WDR44: variants seen among roughly 807,000 people sequenced by gnomAD.
WDR44 encodes WD repeat domain 44.
WDR44 carries 9 observed loss-of-function variants against 65.7 expected under a neutral mutation model. The ratio of observed to expected loss-of-function variants is 0.14; its 90% CI spans 0.08 to 0.24. The LOEUF (loss-of-function observed/expected upper bound fraction) is 0.24, where lower values mean the gene tolerates loss of function less well. Among genes scored for constraint, WDR44 ranks in the 10% least tolerant of loss-of-function variants. The pLI, the probability that WDR44 is intolerant of heterozygous loss-of-function variation, is 1.00. For synonymous variants in WDR44, 220 were observed against 235.2 expected, an observed-to-expected ratio of 0.94 and a Z score of 0.59; for missense variants, 425 against 670.9, an observed-to-expected ratio of 0.63 and a Z score of 4.05.
At chrX:118,446,061 G>C (rs941034462) in intron 19 of WDR44, among the ~76,000 whole-genome samples, 1 of 106,199 alleles carries the variant, frequency 9.4e-6, no homozygotes, top group African/African-American at 3.4e-5. Flanking sequence ...AAAGACCAAG[G>C]TGAGCAGATT....
At chrX:118,434,002 C>G (rs180716646) in intron 13 of WDR44, among the ~76,000 whole-genome samples, 1 of 111,915 alleles carries the variant, frequency 8.9e-6, no homozygotes, top group Admixed American at 9.6e-5. Context: ...TAGGGAGATA[C>G]GGGAGTTTAG....
At chrX:118,403,892 C>T (rs1391952869) in intron 8 of WDR44, among the ~76,000 whole-genome samples, 1 of 112,099 alleles carries the variant, frequency 8.9e-6, no homozygotes, top group Non-Finnish European at 1.9e-5. Context: ...CCAAAGCATT[C>T]TATTTTGTGA....
chrX:118,444,655 C>T (rs769764855), intron 19 of WDR44, among the ~76,000 whole-genome samples, 161 bp downstream of exon 19: 5 of 112,053 alleles, frequency 4.5e-5, no homozygotes, highest in South Asian at 3.7e-4. Context: ...AGCGCAGTGA[C>T]GCAGTCACAC....
At chrX:118,431,204 A>G (rs1213639890) in intron 12 of WDR44, among the ~76,000 whole-genome samples, 1 of 111,786 alleles carries the variant, frequency 8.9e-6, no homozygotes. Context: ...CACCGGTAAG[A>G]TGGTGGTGGT....
At chrX:118,354,791 T>A (rs1342280006) in intron 1 of WDR44, among the ~76,000 whole-genome samples, 5 of 111,975 alleles carry the variant, frequency 4.5e-5, no homozygotes, top group Non-Finnish European at 9.4e-5. Context: ...CTAATTGTAA[T>A]AGACTATTCC....
chrX:118,390,539 T>C (rs756778442), intron 3 of WDR44, among the ~76,000 whole-genome samples: 1 of 111,688 alleles, frequency 9.0e-6, no homozygotes, highest in African/African-American at 3.3e-5. Flanking sequence ...GAGAGATTAT[T>C]ATCAGATAAG....
intron 2 of WDR44, among the ~76,000 whole-genome samples, chrX:118,383,934 C>T (rs767751972): frequency 1.1e-5 from 1 of 94,753 alleles, no homozygotes; most frequent in East Asian, 3.3e-4. Context: ...GGCTGGAATG[C>T]AGTGGCATTA....
rs762890045 is a variant in WDR44 at position 118,436,319 on chromosome X, A to T, written c.1852-383A>T. ...TGAGTTAAAATTCACCAGTGTTATC[A>T]ATGTGAAAATAACTGAAGTGACAAT... On this transcript the variant is annotated intron_variant, in intron 13 of 19. Transcript: ENST00000254029. Among the ~76,000 whole-genome samples, 263 of 112,299 alleles carry T rather than the reference A, an allele frequency of 2.3e-3. 1 individual carries two copies. Among genetic ancestry groups the T allele is most frequent in the Non-Finnish European group, 3.9e-3 (208 of 53,240 alleles).
At position 118,444,499 on chromosome X, in the gene WDR44, A is replaced by G. The variant is rs1199226068; in HGVS notation, c.2647+5A>G. 8.3e-7 allele frequency: 1 copy of G among 1,209,180 alleles called. No homozygotes were observed. Among genetic ancestry groups the G allele is most frequent in the Non-Finnish European group, 1.1e-6 (1 of 894,111 alleles). On this transcript the variant is annotated splice_donor_5th_base_variant and intron_variant, in intron 19 of 19. Coordinates refer to ENST00000254029, the MANE Select transcript of WDR44 (RefSeq NM_019045.5). The stretch of plus-strand genomic sequence containing the variant: ...TTTTGGATGCCACACCTTCTGGTAA[A>G]TCTTTACTTGTCCTATATTTTTTTC...
intron 12 of WDR44, among the ~76,000 whole-genome samples, chrX:118,415,105 C>T (rs2057046341): frequency 1.8e-5 from 2 of 111,725 alleles, no homozygotes; most frequent in African/African-American, 6.5e-5. Flanking sequence ...TGGATTTTGT[C>T]AAATGCTTTT....
At chrX:118,361,745 C>G (rs1022554560) in intron 1 of WDR44, among the ~76,000 whole-genome samples, 1 of 111,336 alleles carries the variant, frequency 9.0e-6, no homozygotes, top group African/African-American at 3.3e-5. Context: ...GAAACAGAGA[C>G]CTTGTCTCAA....
chrX:118,364,436 T>C (rs774565970), intron 1 of WDR44, among the ~76,000 whole-genome samples: 19 of 112,529 alleles, frequency 1.7e-4, no homozygotes, highest in Admixed American at 2.8e-4. Context: ...GCTTCAAGGT[T>C]ATCATGTGCT....
intron 8 of WDR44, among the ~76,000 whole-genome samples, chrX:118,403,029 T>G (rs894132163): frequency 8.9e-6 from 1 of 111,797 alleles, no homozygotes; most frequent in Non-Finnish European, 1.9e-5. Context: ...CCAAGAAGAC[T>G]ACTAAGTAAT....
chrX:118,424,339 ATATATATATG>A (rs1556124705), intron 12 of WDR44, among the ~76,000 whole-genome samples: 7 of 85,284 alleles, frequency 8.2e-5, no homozygotes, highest in South Asian at 5.3e-4. Flanking sequence ...ATATATATAT[ATATATATATG>A]TATATATATA....
At chrX:118,424,331 A>ATATATATATATATATATATGTG (rs2057136866) in intron 12 of WDR44, among the ~76,000 whole-genome samples, 1 of 86,599 alleles carries the variant, frequency 1.2e-5, no homozygotes, top group Non-Finnish European at 2.0e-5. Flanking sequence ...GTGTATATAT[A>ATATATATATATATATATATGTG]TATATATATA....
In WDR44 at chrX:118,390,730, A is replaced by C. The variant is rs745547177; in HGVS notation, c.187-1902A>C. ...TACTCCACGTAAATATTAGAGGCTA[A>C]AAAGCCTGAATCCATTCCTTTGTAT... On this transcript the variant is annotated intron_variant, in intron 3 of 19. Coordinates refer to ENST00000254029, the MANE Select transcript of WDR44 (RefSeq NM_019045.5). 1.3e-3 allele frequency among the ~76,000 whole-genome samples: 145 copies of C among 112,209 alleles called. 1 individual carries two copies. Among genetic ancestry groups the C allele is most frequent in the Non-Finnish European group, 1.9e-3 (102 of 53,283 alleles).
At position 118,442,755 on chromosome X, in the gene WDR44, G is replaced by T. The variant is rs1602980666; in HGVS notation, c.2384+75G>T. ...TAGTTCCATTTTTCCATTGGTCTAT[G>T]CCTTATGTTTAATGGGGTTCTTTTC... On this transcript the variant is annotated intron_variant, in intron 17 of 19. Coordinates refer to ENST00000254029, the MANE Select transcript of WDR44 (RefSeq NM_019045.5). The T allele has an allele frequency of 8.4e-6, 7 of 834,974 alleles. No homozygotes were observed. In the East Asian group the frequency reaches 2.2e-4, roughly 26 times the overall value. 68.8% of individuals were successfully genotyped at this position (834,974 alleles called of 1,213,427 possible). A position where few individuals can be genotyped will look rare whatever the true frequency, so the allele number is the denominator to read the frequency against.
intron 1 of WDR44, among the ~76,000 whole-genome samples, chrX:118,364,131 C>T (rs749129497): frequency 8.9e-6 from 1 of 112,325 alleles, no homozygotes; most frequent in Non-Finnish European, 1.9e-5. Flanking sequence ...CTCTGTTTTC[C>T]TTGATTAATT....
At chrX:118,356,668 T>C (rs1009674365) in intron 1 of WDR44, among the ~76,000 whole-genome samples, 1 of 109,104 alleles carries the variant, frequency 9.2e-6, no homozygotes, top group Non-Finnish European at 1.9e-5. Flanking sequence ...AGCTGGGTAA[T>C]TACAAAAAAA....
Sources: gnomAD v4.1 joint callset for allele counts (sites outside exome capture counted in the v4.1 genomes callset) on GRCh38, gnomAD v4.1.1 for gene constraint, MANE v1.5 for transcripts, NCBI Gene and HGNC (gene_info 2026-07-23, HGNC 2026-07-21) for gene names.